Variants in KNOP1 observed in about 807,000 individuals in gnomAD.
KNOP1 encodes the protein lysine-rich nucleolar protein 1.
KNOP1 carries 20 observed loss-of-function variants against 30.6 expected under a neutral mutation model. That is an observed-to-expected ratio of 0.65 (90% CI 0.46 to 0.95). The LOEUF (loss-of-function observed/expected upper bound fraction) is 0.95. KNOP1 is among the 40% of genes least tolerant of loss of function. The pLI, the probability that KNOP1 is intolerant of heterozygous loss-of-function variation, is 0.00. For missense variants in KNOP1, 540 were observed against 562.0 expected (o/e 0.96, Z 0.40); for synonymous variants, 204 against 210.0 (o/e 0.97, Z 0.25).
Position 19,705,116 on chromosome 16 carries a change from G to A in KNOP1, c.*1794C>T, listed in dbSNP as rs1414480062. On this transcript the variant is annotated 3_prime_UTR_variant, in exon 5 of 5. Coordinates refer to ENST00000219837, the MANE Select transcript of KNOP1 (RefSeq NM_001012991.3). ...CTTTTCTTCCTCTGGAATGTTCTAG[G>A]GTCTTGATATGCTGCCTGGAACTGT... 7 of 455,264 alleles carry A rather than the reference G, an allele frequency of 1.5e-5. No homozygotes were observed. The highest frequency in any genetic ancestry group is 1.4e-4 in the Admixed American group (6 of 42,444). 28.2% of individuals were successfully genotyped at this position (455,264 alleles called of 1,614,324 possible).
Position 19,711,375 on chromosome 16 carries a change from G to A in KNOP1, c.984C>T (p.Asp328=), listed in dbSNP as rs1236813270. The A allele has an allele frequency of 2.5e-6, 4 of 1,614,036 alleles. No individual in the cohort carries two copies. The highest frequency in any genetic ancestry group is 3.4e-6 in the Non-Finnish European group (4 of 1,180,000). Residue 328 remains aspartate (D), a synonymous_variant, in exon 3 of 5, where the codon GAC becomes GAT. Transcript: ENST00000219837. Reference sequence around the variant, plus strand: ...CTGAGGAGGGTCTGGGCTGTACCTGGTCTATGTGCGCCTCATCCATGTTGC... The same window carrying A: ...CTGAGGAGGGTCTGGGCTGTACCTGATCTATGTGCGCCTCATCCATGTTGC... ...KKGNMDEAHI[D]QVRRKALQEE...
chr16:19,715,841 G>C (rs1457395684), intron 1 of KNOP1, among the ~76,000 whole-genome samples: 1 of 152,154 alleles, frequency 6.6e-6, no homozygotes, highest in East Asian at 1.9e-4. Flanking sequence ...CTGTGAGAAT[G>C]GGCTGGGGTC....
At chr16:19,712,210 C>G (rs987039457) in intron 2 of KNOP1, 6 of 152,196 alleles carry the variant, frequency 3.9e-5, no homozygotes, top group Admixed American at 3.9e-4. Flanking sequence ...TTCCTCCCAA[C>G]TCCAAGTTTC....
At chr16:19,712,264 G>A (rs1258158126) in intron 2 of KNOP1, among the ~76,000 whole-genome samples, 1 of 152,136 alleles carries the variant, frequency 6.6e-6, no homozygotes, top group Non-Finnish European at 1.5e-5. Context: ...AATGGACTAG[G>A]GCAAAGCTGG....
In KNOP1 at chr16:19,714,932, T is replaced by A. The variant is rs1222641377; in HGVS notation, c.104A>T (p.Asp35Val). The A allele has an allele frequency of 2.5e-6, 4 of 1,613,410 alleles. No homozygotes were observed. Among genetic ancestry groups the A allele is most frequent in the Non-Finnish European group, 3.4e-6 (4 of 1,179,812 alleles). The change falls in exon 2 of 5, where the codon GAT becomes GTT. Residue 35 changes from aspartate to valine, a missense_variant. Physicochemically the swap from Asp to Val is radical, Grantham distance 152. Coordinates refer to ENST00000219837, the MANE Select transcript of KNOP1 (RefSeq NM_001012991.3). ...AGGAGAAACATCAGCAAAGTAATCA[T>A]CATTGTTTAAAACTGAGTATCGAGT... Reference protein sequence around the residue: ...PETRYSVLNNDDYFADVSPLR... With the variant: ...PETRYSVLNNVDYFADVSPLR...
In KNOP1 at chr16:19,706,852, G is replaced by T; in HGVS notation, c.*58C>A. On this transcript the variant is annotated 3_prime_UTR_variant, in exon 5 of 5. Coordinates refer to ENST00000219837, the MANE Select transcript of KNOP1 (RefSeq NM_001012991.3). ...TCACAAAAAAAATTTGTAATCTCCA[G>T]CATAAATGGAATAATCAAAGCAATT... 3 of 1,562,812 alleles carry T rather than the reference G, an allele frequency of 1.9e-6. No individual in the cohort carries two copies. The highest frequency in any genetic ancestry group is 2.6e-6 in the Non-Finnish European group (3 of 1,152,964).
intron 4 of KNOP1, among the ~76,000 whole-genome samples, chr16:19,708,560 C>T (rs1976542299): frequency 1.3e-5 from 2 of 152,146 alleles, no homozygotes; most frequent in African/African-American, 4.8e-5. Flanking sequence ...ATGCATGGCA[C>T]ACCTCAAGCC....
rs754350042 is a variant in KNOP1, at chr16:19,707,177, C to T, written c.1110G>A (p.Glu370=). ...GQWDTAGFEN[E]DQKLKFLRLM... is the part of the protein sequence containing the mutation. Reference sequence around the variant, plus strand: ...GTCTGAGAAATTTCAGTTTTTGGTCCTCGTTCTCAAAACCAGCAGTATCCC... The same window carrying T: ...GTCTGAGAAATTTCAGTTTTTGGTCTTCGTTCTCAAAACCAGCAGTATCCC... Residue 370 remains glutamate, a synonymous_variant, in exon 5 of 5, where the codon GAG becomes GAA. Transcript: ENST00000219837. 6.2e-7 allele frequency: 1 copy of T among 1,613,726 alleles called. No individual in the cohort carries two copies. The highest frequency in any genetic ancestry group is 8.5e-7 in the Non-Finnish European group (1 of 1,180,010).
In KNOP1 at chr16:19,706,707, T is replaced by A; in HGVS notation, c.*203A>T. The A allele has an allele frequency of 1.6e-6, 1 of 608,912 alleles. No homozygotes were observed. Among genetic ancestry groups the A allele is most frequent in the Non-Finnish European group, 2.9e-6 (1 of 349,452 alleles). The allele number at this position is 608,912 out of a possible 1,614,324, so 37.7% of individuals were successfully genotyped here. A position where few individuals can be genotyped will look rare whatever the true frequency, so the allele number is the denominator to read the frequency against. On this transcript the variant is annotated 3_prime_UTR_variant, in exon 5 of 5. Transcript: ENST00000219837. ...TGTTCAATGTGAGCCAACTGTCAGA[T>A]GGCTTTCATTTGCACAACTGAATAA...
chr16:19,707,359 ACGGATTATTC>A (rs1976436548), intron 4 of KNOP1, 138 bp from the exon 5 acceptor site: 4 of 666,482 alleles, frequency 6.0e-6, no homozygotes, highest in Admixed American at 5.9e-5. Context: ...AAGCTCAACA[ACGGATTATTC>A]CGTTAATCCT....
chr16:19,705,393 TCA>T lies in KNOP1; in HGVS notation c.*1515_*1516del, dbSNP rs1026820277. ...AGCTAGGTGAGTGGAAAGAAGGTGG[TCA>T]CAGATGGTCACATGCGACTTGGGCC... On this transcript the variant is annotated 3_prime_UTR_variant, in exon 5 of 5. Coordinates refer to ENST00000219837, the MANE Select transcript of KNOP1 (RefSeq NM_001012991.3). The T allele has an allele frequency of 2.6e-6, 1 of 388,366 alleles. No individual in the cohort carries two copies. The highest frequency in any genetic ancestry group is 5.2e-6 in the Non-Finnish European group (1 of 193,648). 24.1% of individuals were successfully genotyped at this position (388,366 alleles called of 1,614,324 possible).
Position 19,703,057 on chromosome 16 carries a change from A to G in KNOP1, c.*3853T>C, listed in dbSNP as rs1327528803. On this transcript the variant is annotated 3_prime_UTR_variant, in exon 5 of 5. Transcript: ENST00000219837. ...CAACTTCCACATGAGACTTACTTAC[A>G]TTAGGTCTTCTATTGTTACTTTAAC... 1.3e-5 allele frequency: 2 copies of G among 150,406 alleles called. No individual in the cohort carries two copies. Among genetic ancestry groups the G allele is most frequent in the Non-Finnish European group, 2.9e-5 (2 of 67,890 alleles). The allele number at this position is 150,406 out of a possible 1,614,324, so 9.3% of individuals were successfully genotyped here.
chr16:19,714,700 C>G lies in KNOP1; in HGVS notation c.336G>C (p.Gly112=). Residue 112 remains glycine (G), a synonymous_variant, in exon 2 of 5, where the codon GGG becomes GGC. Coordinates refer to ENST00000219837, the MANE Select transcript of KNOP1 (RefSeq NM_001012991.3). ...QVFGHLEFLS[G]EKKNKKSPLA... ...GAGGTGACTTCTTATTTTTCTTTTC[C>G]CCACTGAGGAACTCCAAGTGGCCAA... 1 of 1,614,130 alleles carries G rather than the reference C, an allele frequency of 6.2e-7. No homozygotes were observed. Among genetic ancestry groups the G allele is most frequent in the East Asian group, 2.2e-5 (1 of 44,878 alleles).
At position 19,710,508 on chromosome 16, in the gene KNOP1, C is replaced by A. The variant is rs1430726993; in HGVS notation, c.1065+1G>T. On this transcript the variant is annotated splice_donor_variant, in intron 4 of 4. Transcript: ENST00000219837. LOFTEE classifies it high-confidence loss of function. ...TCGCAGAGCCCTAGCCCCAAACTTACCGTCCACTTCCTGGTTTCAGAAGCT... is the reference window on the plus strand; with the variant it reads ...TCGCAGAGCCCTAGCCCCAAACTTAACGTCCACTTCCTGGTTTCAGAAGCT... 1.2e-6 allele frequency: 2 copies of A among 1,612,990 alleles called. No individual in the cohort carries two copies. The highest frequency in any genetic ancestry group is 2.2e-5 in the East Asian group (1 of 44,892).
At position 19,703,042 on chromosome 16, in the gene KNOP1, A is replaced by G. The variant is rs1597455592; in HGVS notation, c.*3868T>C. The stretch of plus-strand genomic sequence containing the variant: ...AAAACAAAACCATGGCAACTTCCAC[A>G]TGAGACTTACTTACATTAGGTCTTC... On this transcript the variant is annotated 3_prime_UTR_variant, in exon 5 of 5. Coordinates refer to ENST00000219837, the MANE Select transcript of KNOP1 (RefSeq NM_001012991.3). 1 of 123,316 alleles carries G rather than the reference A, an allele frequency of 8.1e-6. No individual in the cohort carries two copies. Among genetic ancestry groups the G allele is most frequent in the East Asian group, 2.1e-4 (1 of 4,852 alleles). 7.6% of individuals were successfully genotyped at this position (123,316 alleles called of 1,614,324 possible).
chr16:19,710,381 A>G lies in KNOP1; in HGVS notation c.1065+128T>C, dbSNP rs554195961. On this transcript the variant is annotated intron_variant, in intron 4 of 4. Transcript: ENST00000219837. ...TTCTGCTGTGGAGGGAGCCTGCTGC[A>G]GGCTAGGGCTGCCTCTGGGGCCTGG... 85 of 885,480 alleles carry G rather than the reference A, an allele frequency of 9.6e-5. No individual in the cohort carries two copies. The East Asian group carries it at 2.0e-3, about 21-fold the overall frequency. 54.9% of individuals were successfully genotyped at this position (885,480 alleles called of 1,614,324 possible).
intron 1 of KNOP1, among the ~76,000 whole-genome samples, chr16:19,716,904 A>G (rs1468035401): frequency 6.6e-6 from 1 of 152,188 alleles, no homozygotes; most frequent in Admixed American, 6.5e-5. Context: ...GTGCAGTGGC[A>G]TCATCTCGGC....
chr16:19,713,986 A>T, intron 2 of KNOP1, 132 bp downstream of exon 2: 1 of 817,444 alleles, frequency 1.2e-6, no homozygotes, highest in Non-Finnish European at 2.0e-6. Flanking sequence ...GGCTGAAATT[A>T]ATTTAACCAG....
In KNOP1 at chr16:19,714,989, T is replaced by C. The variant is rs1395185878; in HGVS notation, c.47A>G (p.Lys16Arg). 1.9e-6 allele frequency: 3 copies of C among 1,589,170 alleles called. No individual in the cohort carries two copies. The highest frequency in any genetic ancestry group is 2.7e-5 in the African/African-American group (2 of 73,286). The change falls in exon 2 of 5, where the codon AAA (lysine) becomes AGA (arginine). Residue 16 changes from lysine to arginine, a missense_variant. Coordinates refer to ENST00000219837, the MANE Select transcript of KNOP1 (RefSeq NM_001012991.3). The part of the protein sequence containing the change: ...HKVDLGLPEK[K>R]KKKKVVKEPE... ...TTCTTTGACCACTTTCTTCTTCTTTTTCTTCTCTGGGAGCCCAAGGTCTAC... is the reference window on the plus strand; with the variant it reads ...TTCTTTGACCACTTTCTTCTTCTTTCTCTTCTCTGGGAGCCCAAGGTCTAC...
Sources: gnomAD v4.1 joint callset for allele counts (sites outside exome capture counted in the v4.1 genomes callset) on GRCh38, gnomAD v4.1.1 for gene constraint, MANE v1.5 for transcripts, NCBI Gene and HGNC (gene_info 2026-07-23, HGNC 2026-07-21) for gene names.